The following ADAMTSL1 variants were observed in gnomAD, a reference collection of about 807,000 sequenced individuals.
ADAMTSL1 encodes ADAMTS like 1.
In ADAMTSL1, 126 loss-of-function variants were observed where a neutral mutation model predicts 201.8. That is an observed-to-expected ratio of 0.62 (90% CI 0.54 to 0.72). The LOEUF is 0.72. ADAMTSL1 is among the 30% of genes least tolerant of loss of function. ADAMTSL1 has a pLI of 0.00. For synonymous variants in ADAMTSL1, 1,121 were observed against 903.4 expected (o/e 1.24, Z -4.32); for missense variants, 2,679 against 2,277.8 (o/e 1.18, Z -3.59).
intron 1 of ADAMTSL1, among the ~76,000 whole-genome samples, chr9:18,039,483 G>A (rs1301724006): frequency 6.6e-6 from 1 of 152,084 alleles, no homozygotes; most frequent in Non-Finnish European, 1.5e-5. Flanking sequence ...ATTAGCATGA[G>A]TGTATTATTG....
chr9:18,554,945 T>C (rs746242504), intron 3 of ADAMTSL1, among the ~76,000 whole-genome samples: 58 of 71,886 alleles, frequency 8.1e-4, no homozygotes, highest in Non-Finnish European at 1.7e-3. Context: ...TTCACAAATA[T>C]GTAAGGAACA....
intron 14 of ADAMTSL1, chr9:18,718,219 T>A (rs1208286087): frequency 2.6e-6 from 2 of 769,914 alleles, no homozygotes; most frequent in African/African-American, 3.4e-5. Context: ...TCAGTGTCTT[T>A]AACTCAAAGA....
chr9:17,987,830 GT>G (rs1220763609), intron 1 of ADAMTSL1, among the ~76,000 whole-genome samples: 2 of 152,042 alleles, frequency 1.3e-5, no homozygotes, highest in Non-Finnish European at 2.9e-5. Context: ...TCAGTCAGCA[GT>G]TGAGACCAGT....
intron 2 of ADAMTSL1, among the ~76,000 whole-genome samples, chr9:18,365,082 C>G (rs567376136): frequency 6.6e-6 from 1 of 152,230 alleles, no homozygotes; most frequent in South Asian, 2.1e-4. Context: ...TAGGGTCTGG[C>G]ATATGCTCCC....
chr9:18,588,382 A>G (rs913630622), intron 4 of ADAMTSL1, among the ~76,000 whole-genome samples: 1 of 152,048 alleles, frequency 6.6e-6, no homozygotes, highest in Admixed American at 6.6e-5. Flanking sequence ...CCAGATGGAT[A>G]GTTTGCAAAT....
At chr9:18,438,849 T>TG (rs1159616487) in intron 2 of ADAMTSL1, among the ~76,000 whole-genome samples, 1 of 152,140 alleles carries the variant, frequency 6.6e-6, no homozygotes, top group Non-Finnish European at 1.5e-5. Context: ...TTGCACCACG[T>TG]GCATTTCCCC....
At chr9:18,496,132 C>T (rs943745989) in intron 1 of ADAMTSL1, among the ~76,000 whole-genome samples, 1 of 151,980 alleles carries the variant, frequency 6.6e-6, no homozygotes, top group African/African-American at 2.4e-5. Flanking sequence ...AATGATAATC[C>T]CAAAGAGCTA....
intron 2 of ADAMTSL1, among the ~76,000 whole-genome samples, chr9:18,412,752 T>C (rs1818500822): frequency 6.6e-6 from 1 of 152,218 alleles, no homozygotes; most frequent in African/African-American, 2.4e-5. Context: ...TTCTATTTCC[T>C]TTTGACATAA....
chr9:18,473,937 C>T, upstream of ADAMTSL1: 1 of 390,332 alleles, frequency 2.6e-6, no homozygotes, highest in Non-Finnish European at 4.6e-6. Flanking sequence ...CTTTTTCGTC[C>T]TTTTCCCCCT....
chr9:18,082,609 C>T (rs1304369646), intron 1 of ADAMTSL1, among the ~76,000 whole-genome samples: 1 of 152,188 alleles, frequency 6.6e-6, no homozygotes, highest in Non-Finnish European at 1.5e-5. Context: ...TCAAGCCTCC[C>T]CAGACCAGAT....
intron 15 of ADAMTSL1, among the ~76,000 whole-genome samples, chr9:18,736,655 T>G (rs998384690): frequency 2.0e-5 from 3 of 152,200 alleles, no homozygotes; most frequent in African/African-American, 7.2e-5. Flanking sequence ...ACACATGGTC[T>G]TACTGCAGTT....
chr9:18,027,428 A>G (rs972060346), intron 1 of ADAMTSL1, among the ~76,000 whole-genome samples: 7 of 146,052 alleles, frequency 4.8e-5, no homozygotes, highest in African/African-American at 8.2e-5. Flanking sequence ...TATTTATTTC[A>G]AAGATTTTTT....
intron 15 of ADAMTSL1, among the ~76,000 whole-genome samples, chr9:18,738,653 G>T (rs1818653009): frequency 6.6e-6 from 1 of 152,140 alleles, no homozygotes; most frequent in Admixed American, 6.5e-5. Context: ...TAGATAATCT[G>T]CTCTGAGGAT....
At chr9:18,171,634 CT>C (rs1827894748) in intron 2 of ADAMTSL1, among the ~76,000 whole-genome samples, 1 of 152,012 alleles carries the variant, frequency 6.6e-6, no homozygotes, top group Non-Finnish European at 1.5e-5. Context: ...TAGGTTGCCT[CT>C]TCACTATGAT....
intron 2 of ADAMTSL1, among the ~76,000 whole-genome samples, chr9:18,199,030 A>G (rs977951175): frequency 2.1e-5 from 3 of 144,140 alleles, no homozygotes; most frequent in Non-Finnish European, 4.5e-5. Context: ...AACACCGCAT[A>G]TTCTCACTCA....
chr9:18,211,346 C>A (rs1473071679), intron 2 of ADAMTSL1, among the ~76,000 whole-genome samples: 1 of 152,140 alleles, frequency 6.6e-6, no homozygotes, highest in East Asian at 1.9e-4. Flanking sequence ...TATTCCATTT[C>A]ATTCTACAGA....
intron 2 of ADAMTSL1, among the ~76,000 whole-genome samples, chr9:18,239,126 A>G (rs1323198105): frequency 6.6e-6 from 1 of 152,194 alleles, no homozygotes; most frequent in African/African-American, 2.4e-5. Flanking sequence ...TCTTTTTGCT[A>G]GTGGAGGGTC....
chr9:18,826,831 T>C (rs1824602928), intron 22 of ADAMTSL1, among the ~76,000 whole-genome samples: 1 of 152,224 alleles, frequency 6.6e-6, no homozygotes, highest in South Asian at 2.1e-4. Context: ...ATTAAGGACT[T>C]CTTTGAGAAT....
In ADAMTSL1 at chr9:18,206,762, TTTTC is replaced by T. The variant is rs560205335; in HGVS notation, c.207+42784_207+42787del. ...AATTACTTATTTTGCGTTCCTGACT[TTTTC>T]TTAGCTAGTACTTGGCCGTGGAGTT... On this transcript the variant is annotated intron_variant, in intron 2 of 29. Coordinates refer to the ADAMTSL1 transcript ENST00000680146. Among the ~76,000 whole-genome samples the T allele has an allele frequency of 5.9e-5, 9 of 152,290 alleles. 1 individual carries two copies. The South Asian group carries it at 1.9e-3, about 32-fold the overall frequency.
Sources: gnomAD v4.1 joint callset for allele counts (sites outside exome capture counted in the v4.1 genomes callset) on GRCh38, gnomAD v4.1.1 for gene constraint, MANE v1.5 for transcripts, NCBI Gene and HGNC (gene_info 2026-07-23, HGNC 2026-07-21) for gene names.